The following IL13RA1 variants were observed in gnomAD, a reference collection of about 807,000 sequenced individuals.
The protein encoded by IL13RA1 is interleukin-13 receptor subunit alpha-1.
IL13RA1 carries 14 observed loss-of-function variants against 33.8 expected under a neutral mutation model. That is an observed-to-expected ratio of 0.41 (90% CI 0.27 to 0.65). The LOEUF is 0.65. Among genes scored for constraint, IL13RA1 ranks in the 30% least tolerant of loss-of-function variants. IL13RA1 has a pLI of 0.28. For synonymous variants in IL13RA1, 116 were observed against 115.7 expected, an observed-to-expected ratio of 1.00 and a Z score of -0.02; for missense variants, 313 against 327.0, an observed-to-expected ratio of 0.96 and a Z score of 0.33.
chrX:118,774,173 A>T (rs1603219403), intron 9 of IL13RA1, among the ~76,000 whole-genome samples, 198 bp downstream of exon 9: 1 of 97,485 alleles, frequency 1.0e-5, no homozygotes, highest in South Asian at 4.8e-4. Flanking sequence ...TTTTTTCCTG[A>T]GATGGAGTCT....
At chrX:118,768,553 G>A (rs760283602) in intron 8 of IL13RA1, among the ~76,000 whole-genome samples, 8 of 112,240 alleles carry the variant, frequency 7.1e-5, no homozygotes, top group African/African-American at 9.7e-5. Context: ...TTCCAACCCC[G>A]GTACCTGTGA....
intron 1 of IL13RA1, among the ~76,000 whole-genome samples, chrX:118,729,049 G>A (rs907375869): frequency 8.9e-6 from 1 of 111,869 alleles, no homozygotes; most frequent in Admixed American, 9.5e-5. Flanking sequence ...TAGAACCTGA[G>A]AGTGTATAGC....
chrX:118,779,535 CGAAT>C (rs981616535), intron 10 of IL13RA1, among the ~76,000 whole-genome samples: 44 of 111,360 alleles, frequency 4.0e-4, no homozygotes, highest in African/African-American at 1.3e-3. Context: ...GAAATGGGTC[CGAAT>C]GAATGATCAT....
chrX:118,760,870 C>T (rs2017583012), intron 5 of IL13RA1, among the ~76,000 whole-genome samples: 1 of 112,202 alleles, frequency 8.9e-6, no homozygotes, highest in South Asian at 3.6e-4. Context: ...TGCATATTTT[C>T]TCACATACTT....
chrX:118,799,948 T>C, the IL13RA1 span, among the ~76,000 whole-genome samples: 11 of 94,640 alleles, frequency 1.2e-4, no homozygotes, highest in East Asian at 3.5e-4. Flanking sequence ...GGATTGTAAA[T>C]ACACCAATCG....
intron 8 of IL13RA1, chrX:118,770,699 G>A (rs769376074): frequency 8.0e-6 from 3 of 373,454 alleles, no homozygotes; most frequent in South Asian, 2.6e-5. Context: ...CACAGGCTCC[G>A]CATCTTCAGC....
chrX:118,728,653 T>A (rs2489866), intron 1 of IL13RA1, among the ~76,000 whole-genome samples: 18,941 of 111,255 alleles, frequency 0.17, 1,480 homozygotes, highest in East Asian at 0.4. Flanking sequence ...CTTATTGCAT[T>A]TTTACCAATG....
At chrX:118,804,912 T>A in the IL13RA1 span, among the ~76,000 whole-genome samples, 2 of 112,074 alleles carry the variant, frequency 1.8e-5, no homozygotes, top group African/African-American at 6.5e-5. Flanking sequence ...ACATTTGTCT[T>A]ATCTGAATTC....
intron 1 of IL13RA1, among the ~76,000 whole-genome samples, chrX:118,732,466 C>T (rs994020524): frequency 2.7e-5 from 3 of 110,047 alleles, no homozygotes; most frequent in African/African-American, 9.9e-5. Flanking sequence ...AGGTTTGTTA[C>T]ATATGTATAC....
In IL13RA1 at chrX:118,791,833, C is replaced by G; in HGVS notation, c.1263C>G (p.Asn421Lys). 1.0e-6 allele frequency: 1 copy of G among 987,283 alleles called. No homozygotes were observed. Among genetic ancestry groups the G allele is most frequent in the Non-Finnish European group, 1.4e-6 (1 of 695,319 alleles). The allele number at this position is 987,283 out of a possible 1,213,427, so 81.4% of individuals were successfully genotyped here. Residue 421 changes from asparagine to lysine, a missense_variant, in exon 11 of 11, where the codon AAC becomes AAG. Coordinates refer to ENST00000371666, the MANE Select transcript of IL13RA1 (RefSeq NM_001560.3). ...EETDSVVLIE[N>K]LKKASQ ...CCGACTCTGTAGTGCTGATAGAAAACCTGAAGAAAGCCTCTCAGTGATGGA... is the reference window on the plus strand; with the variant it reads ...CCGACTCTGTAGTGCTGATAGAAAAGCTGAAGAAAGCCTCTCAGTGATGGA...
chrX:118,784,176 T>TATACGTATATATG (rs2017891665), intron 10 of IL13RA1, among the ~76,000 whole-genome samples: 1 of 99,555 alleles, frequency 1.0e-5, no homozygotes, highest in African/African-American at 3.7e-5. Flanking sequence ...CGTATATATA[T>TATACGTATATATG]TCTTTTAAAA....
At position 118,774,310 on chromosome X, in the gene IL13RA1, C is replaced by T. The variant is rs757967039; in HGVS notation, c.1106+335C>T. ...GATTACAGGTGCCCACCACCACGCCCGGCTAATTTTTTGTATTTTTAGTAG... is the reference window on the plus strand; with the variant it reads ...GATTACAGGTGCCCACCACCACGCCTGGCTAATTTTTTGTATTTTTAGTAG... On this transcript the variant is annotated intron_variant, in intron 9 of 10. Transcript: ENST00000371666. 1.3e-4 allele frequency among the ~76,000 whole-genome samples: 14 copies of T among 109,208 alleles called. No individual in the cohort carries two copies. The East Asian group carries it at 2.6e-3, about 20-fold the overall frequency. 94.8% of individuals were successfully genotyped at this position (109,208 alleles called of 115,157 possible). A position where few individuals can be genotyped will look rare whatever the true frequency, so the allele number is the denominator to read the frequency against.
At chrX:118,789,915 A>T (rs1180559529) in intron 10 of IL13RA1, among the ~76,000 whole-genome samples, 1 of 111,289 alleles carries the variant, frequency 9.0e-6, no homozygotes, top group Non-Finnish European at 1.9e-5. Flanking sequence ...TTATTAAATA[A>T]GCCATTTTTT....
chrX:118,761,385 C>T, intron 6 of IL13RA1, 96 bp downstream of exon 6: 1 of 429,321 alleles, frequency 2.3e-6, no homozygotes, highest in South Asian at 6.2e-5. Flanking sequence ...TTACATTTGT[C>T]ACCTTATGAT....
chrX:118,788,535 T>G (rs535120896), intron 10 of IL13RA1, among the ~76,000 whole-genome samples: 1 of 111,868 alleles, frequency 8.9e-6, no homozygotes, highest in African/African-American at 3.2e-5. Context: ...AACAGCAGAG[T>G]TGTTTTATAG....
intron 4 of IL13RA1, among the ~76,000 whole-genome samples, chrX:118,755,729 A>G (rs189395815): frequency 8.9e-6 from 1 of 112,311 alleles, no homozygotes; most frequent in East Asian, 2.8e-4. Context: ...ATCATTAAAA[A>G]CAATTTTACA....
intron 10 of IL13RA1, among the ~76,000 whole-genome samples, chrX:118,791,026 C>T (rs1218065336): frequency 9.0e-6 from 1 of 111,646 alleles, no homozygotes; most frequent in African/African-American, 3.3e-5. Context: ...AGCATTCAGC[C>T]GGATTTGACC....
At chrX:118,753,213 T>C (rs1490769289) in intron 4 of IL13RA1, among the ~76,000 whole-genome samples, 2 of 112,224 alleles carry the variant, frequency 1.8e-5, no homozygotes, top group Non-Finnish European at 3.8e-5. Flanking sequence ...GGGGTTCTTC[T>C]AAGACAAAAA....
chrX:118,775,642 G>A (rs1202781224), intron 9 of IL13RA1, among the ~76,000 whole-genome samples: 1 of 111,461 alleles, frequency 9.0e-6, no homozygotes, highest in Non-Finnish European at 1.9e-5. Flanking sequence ...GCCTGTCTGT[G>A]GAGGTGTGAA....
Sources: gnomAD v4.1 joint callset for allele counts (sites outside exome capture counted in the v4.1 genomes callset) on GRCh38, gnomAD v4.1.1 for gene constraint, MANE v1.5 for transcripts, NCBI Gene and HGNC (gene_info 2026-07-23, HGNC 2026-07-21) for gene names.